Variants in DRC9 observed in about 807,000 individuals in gnomAD.
DRC9 encodes dynein regulatory complex subunit 9.
chr3:197,911,997 A>G, the DRC9 span, among the ~76,000 whole-genome samples: 3 of 151,806 alleles, frequency 2.0e-5, no homozygotes, highest in Non-Finnish European at 4.4e-5. Flanking sequence ...AAATTTTTAA[A>G]TATAGTCATA....
At chr3:197,909,208 T>G in the DRC9 span, among the ~76,000 whole-genome samples, 2 of 152,184 alleles carry the variant, frequency 1.3e-5, no homozygotes, top group Non-Finnish European at 2.9e-5. Flanking sequence ...ACCAGAACAG[T>G]GGTGTTGTAT....
chr3:197,897,811 G>T, the DRC9 span, among the ~76,000 whole-genome samples: 1 of 136,520 alleles, frequency 7.3e-6, no homozygotes, highest in Admixed American at 8.1e-5. Context: ...TCGCTCTGTC[G>T]CCCAGGCTGG....
chr3:197,955,594 G>A, the DRC9 span, among the ~76,000 whole-genome samples: 1 of 152,052 alleles, frequency 6.6e-6, no homozygotes, highest in Non-Finnish European at 1.5e-5. Context: ...CGGTTCTTAC[G>A]GTATGTTCAC....
At chr3:197,897,075 C>T in the DRC9 span, among the ~76,000 whole-genome samples, 1 of 151,910 alleles carries the variant, frequency 6.6e-6, no homozygotes, top group Non-Finnish European at 1.5e-5. Flanking sequence ...AAAGAAGACA[C>T]ATCTTTTTAA....
At chr3:197,892,393 T>TCAG in the DRC9 span, among the ~76,000 whole-genome samples, 2 of 152,162 alleles carry the variant, frequency 1.3e-5, no homozygotes, top group Non-Finnish European at 1.5e-5. Flanking sequence ...GCTGTCCCCG[T>TCAG]CAGCAGCAGC....
chr3:197,900,289 G>C, the DRC9 span, among the ~76,000 whole-genome samples: 1 of 152,224 alleles, frequency 6.6e-6, no homozygotes, highest in Admixed American at 6.5e-5. The surrounding 1 kb of genome is among the most constrained non-coding windows in gnomAD (Gnocchi z 4.7). Flanking sequence ...ACCAGCCATG[G>C]TGGTTAAGGG....
At chr3:197,917,152 C>CA in the DRC9 span, among the ~76,000 whole-genome samples, 4 of 152,094 alleles carry the variant, frequency 2.6e-5, no homozygotes, top group Admixed American at 1.3e-4. Context: ...CCTGTCTCTA[C>CA]AAAAAAATTT....
chr3:197,938,735 G>A, the DRC9 span: 1 of 1,613,960 alleles, frequency 6.2e-7, no homozygotes, highest in Non-Finnish European at 8.5e-7. Context: ...GAGGCCATTG[G>A]AAGTTTGTCT....
chr3:197,940,728 C>T, the DRC9 span, among the ~76,000 whole-genome samples: 1 of 152,062 alleles, frequency 6.6e-6, no homozygotes, highest in East Asian at 1.9e-4. Context: ...CCATGAAATA[C>T]AAACCAAAAA....
the DRC9 span, among the ~76,000 whole-genome samples, chr3:197,944,460 T>A: frequency 6.6e-6 from 1 of 151,488 alleles, no homozygotes; most frequent in African/African-American, 2.4e-5. Context: ...TTTATTTTAT[T>A]TTTTTTGAGA....
chr3:197,891,520 C>T, the DRC9 span: 4 of 1,598,408 alleles, frequency 2.5e-6, no homozygotes, highest in Admixed American at 3.3e-5. Context: ...ATACGATCTT[C>T]AATGATGACC....
At chr3:197,955,850 A>T in the DRC9 span, 1 of 1,206,132 alleles carries the variant, frequency 8.3e-7, no homozygotes, top group East Asian at 2.3e-5. Context: ...TACTACCTTA[A>T]ATTGATTTGC....
the DRC9 span, among the ~76,000 whole-genome samples, chr3:197,942,893 CAA>C: frequency 2.6e-4 from 16 of 61,876 alleles, no homozygotes; most frequent in African/African-American, 3.9e-4. Context: ...AACTCCATCT[CAA>C]AAAAAAAAAA....
chr3:197,948,028 G>A, the DRC9 span, among the ~76,000 whole-genome samples: 1 of 149,872 alleles, frequency 6.7e-6, no homozygotes, highest in African/African-American at 2.5e-5. Context: ...CCCCTACCAG[G>A]TTGAAGCGAT....
At chr3:197,939,956 AGAATTAAAGAAAC>A in the DRC9 span, among the ~76,000 whole-genome samples, 1 of 152,190 alleles carries the variant, frequency 6.6e-6, no homozygotes, top group African/African-American at 2.4e-5. Context: ...TTTTTAGAAT[AGAATTAAAGAAAC>A]GAGCTAAGTG....
the DRC9 span, among the ~76,000 whole-genome samples, chr3:197,911,644 A>G: frequency 6.6e-6 from 1 of 151,988 alleles, no homozygotes; most frequent in Admixed American, 6.6e-5. Context: ...AAGATTAGTA[A>G]ATTTTTTTTT....
chr3:197,917,129 A>C, the DRC9 span, among the ~76,000 whole-genome samples: 2 of 152,336 alleles, frequency 1.3e-5, no homozygotes, highest in African/African-American at 4.8e-5. Flanking sequence ...CAGCCTGGGC[A>C]ACACAGTGAA....
the DRC9 span, among the ~76,000 whole-genome samples, chr3:197,952,197 A>C: frequency 5.3e-4 from 51 of 96,766 alleles, no homozygotes; most frequent in South Asian, 4.5e-3. Context: ...TTGGAGACGG[A>C]GTCTCACTGT....
At chr3:197,945,027 T>C in the DRC9 span, among the ~76,000 whole-genome samples, 1 of 152,204 alleles carries the variant, frequency 6.6e-6, no homozygotes, top group Admixed American at 6.5e-5. Context: ...GAATGTGGTA[T>C]CCAGCCTCCA....
Sources: gnomAD v4.1 joint callset for allele counts (sites outside exome capture counted in the v4.1 genomes callset) on GRCh38, gnomAD v4.1.1 for gene constraint, Gnocchi (gnomAD v3.1) non-coding constraint, MANE v1.5 for transcripts, NCBI Gene and HGNC (gene_info 2026-07-23, HGNC 2026-07-21) for gene names.